The following PDE8A variants were observed in gnomAD, a reference collection of about 807,000 sequenced individuals.
PDE8A encodes phosphodiesterase 8A.
PDE8A carries 59 observed loss-of-function variants against 105.0 expected under a neutral mutation model. The observed-to-expected ratio is 0.56, with a 90% CI of 0.46 to 0.70. The LOEUF is 0.70. Among genes scored for constraint, PDE8A ranks in the 30% least tolerant of loss-of-function variants. The pLI, the probability that PDE8A is intolerant of heterozygous loss-of-function variation, is 0.00. For synonymous variants in PDE8A, 355 were observed against 371.9 expected (o/e 0.95, Z 0.52); for missense variants, 1,014 against 1,045.9 (o/e 0.97, Z 0.42).
Position 85,040,705 on chromosome 15 carries a change from C to T in PDE8A, c.187-23665C>T, listed in dbSNP as rs541991532. ...CCTCCTGAGTAGTTGGGACTACAGG[C>T]GCCCACCATCATACCCGGCTAATGT... On this transcript the variant is annotated intron_variant, in intron 1 of 21. Transcript: ENST00000394553. 9.2e-5 allele frequency among the ~76,000 whole-genome samples: 14 copies of T among 151,862 alleles called. No homozygotes were observed. In the Middle Eastern group the frequency reaches 0.017, roughly 186 times the overall value.
chr15:85,104,446 G>A (rs1379667557), intron 11 of PDE8A, among the ~76,000 whole-genome samples: 3 of 152,038 alleles, frequency 2.0e-5, no homozygotes, highest in African/African-American at 7.2e-5. Context: ...TTATAAATAG[G>A]TAAATGGGAA....
chr15:85,018,617 T>A (rs2080368736), intron 1 of PDE8A, among the ~76,000 whole-genome samples: 1 of 152,200 alleles, frequency 6.6e-6, no homozygotes, highest in African/African-American at 2.4e-5. Flanking sequence ...TGTATATATC[T>A]TATGCTTTCT....
intron 1 of PDE8A, among the ~76,000 whole-genome samples, chr15:85,059,649 T>C (rs746438348): frequency 6.6e-6 from 1 of 152,232 alleles, no homozygotes; most frequent in Non-Finnish European, 1.5e-5. Context: ...CCCCTGCTCT[T>C]TTTTGATTAC....
chr15:85,066,609 C>CACAT (rs1365873241), intron 2 of PDE8A, among the ~76,000 whole-genome samples: 4,836 of 89,838 alleles, frequency 0.054, 287 homozygotes, highest in African/African-American at 0.24. Flanking sequence ...CACACACACA[C>CACAT]ACACACACAC....
chr15:84,983,992 T>G (rs1406915218), intron 1 of PDE8A, among the ~76,000 whole-genome samples: 2 of 152,240 alleles, frequency 1.3e-5, no homozygotes, highest in Non-Finnish European at 2.9e-5. Flanking sequence ...TTGTCTTGTG[T>G]TGGGGGCTCA....
At chr15:85,060,375 C>T (rs2081124582) in intron 1 of PDE8A, among the ~76,000 whole-genome samples, 1 of 152,138 alleles carries the variant, frequency 6.6e-6, no homozygotes, top group African/African-American at 2.4e-5. Context: ...GTAGTTGGTC[C>T]TCCATATTGG....
chr15:84,990,092 C>T (rs2079862706), intron 1 of PDE8A, among the ~76,000 whole-genome samples: 1 of 152,166 alleles, frequency 6.6e-6, no homozygotes, highest in Non-Finnish European at 1.5e-5. Flanking sequence ...TAACACACAC[C>T]TGTAGTCCCA....
intron 6 of PDE8A, among the ~76,000 whole-genome samples, chr15:85,085,635 A>G (rs1233615074): frequency 6.6e-6 from 1 of 151,334 alleles, no homozygotes; most frequent in Non-Finnish European, 1.5e-5. Context: ...AGATCGTGCC[A>G]TTGCACTCCA....
intron 1 of PDE8A, among the ~76,000 whole-genome samples, chr15:85,011,424 C>T (rs1030216668): frequency 6.6e-6 from 1 of 152,102 alleles, no homozygotes; most frequent in Admixed American, 6.6e-5. Context: ...CATAACCTTT[C>T]GGGGCCCTAG....
chr15:85,100,341 T>C (rs550881540), intron 11 of PDE8A, 143 bp downstream of exon 11: 4 of 715,934 alleles, frequency 5.6e-6, no homozygotes, highest in African/African-American at 5.3e-5. Flanking sequence ...CTCCCCAGGC[T>C]GGCTTATGAG....
intron 14 of PDE8A, 131 bp downstream of exon 14, chr15:85,114,168 C>A: frequency 1.4e-6 from 1 of 721,964 alleles, no homozygotes; most frequent in Non-Finnish European, 2.3e-6. Context: ...CCTAAACTCT[C>A]CTCCATTGCC....
At chr15:85,118,821 G>A (rs939794691) in intron 17 of PDE8A, among the ~76,000 whole-genome samples, 44 of 152,204 alleles carry the variant, frequency 2.9e-4, no homozygotes, top group African/African-American at 1.0e-3. Context: ...TCTGTATCAC[G>A]GGACTAGCAT....
chr15:85,122,597 T>A (rs893819112), intron 18 of PDE8A, among the ~76,000 whole-genome samples: 6 of 152,190 alleles, frequency 3.9e-5, no homozygotes, highest in African/African-American at 1.4e-4. Context: ...CCCTTCAAAT[T>A]TTGAATTACA....
chr15:84,981,447 C>A (rs369137724), upstream of PDE8A, among the ~76,000 whole-genome samples: 1 of 152,164 alleles, frequency 6.6e-6, no homozygotes, highest in Non-Finnish European at 1.5e-5. Flanking sequence ...TTCTGCGCTT[C>A]TCGACGGTGC....
intron 2 of PDE8A, among the ~76,000 whole-genome samples, chr15:85,065,014 A>C (rs899321444): frequency 6.6e-6 from 1 of 152,126 alleles, no homozygotes; most frequent in Non-Finnish European, 1.5e-5. Context: ...ATAAATAAAA[A>C]ATGTGTATAA....
intron 11 of PDE8A, among the ~76,000 whole-genome samples, chr15:85,103,445 C>G (rs1390677889): frequency 6.6e-6 from 1 of 152,202 alleles, no homozygotes; most frequent in East Asian, 1.9e-4. Flanking sequence ...CCTACCTACC[C>G]CCTTAGCAGC....
intron 8 of PDE8A, among the ~76,000 whole-genome samples, chr15:85,091,716 A>G (rs1331892858): frequency 1.3e-5 from 2 of 152,224 alleles, no homozygotes; most frequent in Non-Finnish European, 2.9e-5. Context: ...ACTATTATTC[A>G]ATAATGTAAG....
At chr15:85,001,645 G>T (rs929646884) in intron 1 of PDE8A, among the ~76,000 whole-genome samples, 10 of 152,310 alleles carry the variant, frequency 6.6e-5, no homozygotes, top group African/African-American at 1.9e-4. Context: ...GCTTCACCTT[G>T]TTGGGCACCT....
chr15:85,013,891 A>C (rs1229755497), intron 1 of PDE8A, among the ~76,000 whole-genome samples: 1 of 152,134 alleles, frequency 6.6e-6, no homozygotes, highest in Admixed American at 6.5e-5. Context: ...GGTTTGAGGA[A>C]AGGCCCAATT....
Sources: allele counts gnomAD v4.1 joint callset (sites outside exome capture counted in the v4.1 genomes callset), GRCh38; gene constraint gnomAD v4.1.1; transcripts MANE v1.5; gene names NCBI Gene and HGNC (gene_info 2026-07-23, HGNC 2026-07-21).